Variants in UTS2B observed in about 807,000 individuals in gnomAD.
UTS2B encodes urotensin 2B, also known as urotensin-2B.
Under a neutral mutation model 19.2 loss-of-function variants are expected in UTS2B, and 21 were observed. The observed-to-expected ratio is 1.09, with a 90% confidence interval of 0.78 to 1.58. UTS2B has a LOEUF of 1.58. Among genes scored for constraint, UTS2B ranks in the 40% most tolerant of loss-of-function variants. The pLI is 0.00. For missense variants in UTS2B, 138 were observed against 130.3 expected, an observed-to-expected ratio of 1.06 and a Z score of -0.29; for synonymous variants, 57 against 50.2, an observed-to-expected ratio of 1.14 and a Z score of -0.58.
intron 8 of UTS2B, among the ~76,000 whole-genome samples, chr3:191,271,471 T>G (rs1204606347): frequency 6.6e-6 from 1 of 152,196 alleles, no homozygotes; most frequent in Non-Finnish European, 1.5e-5. Flanking sequence ...CAGCTTTCTG[T>G]GCAGTGAGCT....
At chr3:191,325,499 TGTGA>T in intron 2 of UTS2B, among the ~76,000 whole-genome samples, 1 of 152,150 alleles carries the variant, frequency 6.6e-6, no homozygotes. Flanking sequence ...TGGGGAATTT[TGTGA>T]GTAACTGATA....
At chr3:191,331,195 G>A (rs1225381209), upstream of UTS2B, among the ~76,000 whole-genome samples, 1 of 152,182 alleles carries the variant, frequency 6.6e-6, no homozygotes, top group Non-Finnish European at 1.5e-5. Context: ...GCAGTGTGTA[G>A]TGCATGGTGA....
intron 1 of UTS2B, chr3:191,329,356 T>TGTC (rs1717855574): frequency 6.6e-6 from 2 of 302,854 alleles, no homozygotes; most frequent in East Asian, 1.3e-4. Flanking sequence ...CCCGCCTTTC[T>TGTC]GTCTCCTCTC....
chr3:191,320,301 G>A (rs2108612175), intron 2 of UTS2B, among the ~76,000 whole-genome samples: 1 of 152,282 alleles, frequency 6.6e-6, no homozygotes, highest in African/African-American at 2.4e-5. Flanking sequence ...TCTAGGAAGA[G>A]GGACCAGTTA....
chr3:191,286,102 C>T (rs891590455), intron 4 of UTS2B, among the ~76,000 whole-genome samples: 8 of 151,940 alleles, frequency 5.3e-5, no homozygotes, highest in East Asian at 1.9e-4. Context: ...TATGTCTGTA[C>T]CAAATATTAG....
intron 4 of UTS2B, among the ~76,000 whole-genome samples, chr3:191,296,978 A>C (rs1240385012): frequency 6.6e-6 from 1 of 152,238 alleles, no homozygotes; most frequent in African/African-American, 2.4e-5. Flanking sequence ...CAATGCATTC[A>C]TAGAACAGGC....
chr3:191,281,563 T>C (rs901089346), intron 5 of UTS2B, among the ~76,000 whole-genome samples: 2 of 151,752 alleles, frequency 1.3e-5, no homozygotes, highest in Non-Finnish European at 2.9e-5. Context: ...ATGTAGGTGT[T>C]AGCATTGCCC....
At position 191,275,314 on chromosome 3, in the gene UTS2B, T is replaced by C. The variant is rs1716201254; in HGVS notation, c.272A>G (p.Glu91Gly). The change falls in exon 8 of 9, where the codon GAG (glutamate) becomes GGG (glycine). Residue 91 changes from glutamate to glycine, a missense_variant. Transcript: ENST00000340524. ...LEKLKEQLVE[E>G]KDSETSYAVD... is the part of the protein sequence containing the mutation. ...AGCATAGGACGTCTCAGAATCCTTC[T>C]CCTCCACTAGCTGTTCTTTTAGCTT... 6.2e-7 allele frequency: 1 copy of C among 1,613,774 alleles called. No homozygotes were observed. The highest frequency in any genetic ancestry group is 1.3e-5 in the African/African-American group (1 of 75,044).
intron 8 of UTS2B, among the ~76,000 whole-genome samples, chr3:191,271,879 T>C (rs1325477765): frequency 6.6e-6 from 1 of 152,262 alleles, no homozygotes; most frequent in Non-Finnish European, 1.5e-5. Flanking sequence ...GGAAGATTTA[T>C]TAAATATGGC....
At chr3:191,279,069 T>G (rs1274023391) in intron 5 of UTS2B, among the ~76,000 whole-genome samples, 3 of 152,030 alleles carry the variant, frequency 2.0e-5, no homozygotes, top group African/African-American at 7.2e-5. Context: ...GACTGGACTA[T>G]TTCTTAAAAT....
chr3:191,326,756 T>C (rs1717753690), intron 2 of UTS2B, among the ~76,000 whole-genome samples: 1 of 152,226 alleles, frequency 6.6e-6, no homozygotes, highest in African/African-American at 2.4e-5. Flanking sequence ...AGATACTAGC[T>C]CTTCCCCGTG....
At chr3:191,286,633 A>G (rs969959202) in intron 4 of UTS2B, among the ~76,000 whole-genome samples, 1 of 152,064 alleles carries the variant, frequency 6.6e-6, no homozygotes, top group Non-Finnish European at 1.5e-5. Context: ...AAAAGGGGAA[A>G]GTCTGTACCA....
At chr3:191,307,772 T>C (rs1717180000) in intron 3 of UTS2B, among the ~76,000 whole-genome samples, 2 of 152,172 alleles carry the variant, frequency 1.3e-5, no homozygotes, top group Admixed American at 1.3e-4. Context: ...TCTCTCTTCT[T>C]TGTCAGTCAG....
upstream of UTS2B, among the ~76,000 whole-genome samples, chr3:191,332,810 T>C (rs79001780): frequency 0.013 from 1,929 of 152,344 alleles, 46 homozygotes; most frequent in African/African-American, 0.044. Flanking sequence ...TCCAAGTTCC[T>C]GTATCGGTAA....
the UTS2B span, among the ~76,000 whole-genome samples, chr3:191,336,615 T>G: frequency 6.6e-6 from 1 of 152,302 alleles, no homozygotes; most frequent in Non-Finnish European, 1.5e-5. Flanking sequence ...AAACCTTAGT[T>G]CAATATCAGA....
chr3:191,342,872 A>G, the UTS2B span, among the ~76,000 whole-genome samples: 1 of 152,230 alleles, frequency 6.6e-6, no homozygotes, highest in Non-Finnish European at 1.5e-5. Flanking sequence ...CCTGTTGAGG[A>G]TGCCTTATGA....
At chr3:191,290,708 A>G (rs544537254) in intron 4 of UTS2B, among the ~76,000 whole-genome samples, 29 of 152,370 alleles carry the variant, frequency 1.9e-4, no homozygotes, top group African/African-American at 6.5e-4. Flanking sequence ...TATCAATTAC[A>G]GGATATAAAT....
intron 2 of UTS2B, among the ~76,000 whole-genome samples, chr3:191,321,802 A>T (rs1311765453): frequency 6.6e-6 from 1 of 152,338 alleles, no homozygotes; most frequent in East Asian, 1.9e-4. Context: ...CAAGGTGGGC[A>T]GATCACCTGA....
intron 8 of UTS2B, among the ~76,000 whole-genome samples, chr3:191,273,860 C>T (rs1297667901): frequency 6.6e-6 from 1 of 152,156 alleles, no homozygotes; most frequent in African/African-American, 2.4e-5. Context: ...TGTAATTCTC[C>T]AGCACATTTT....
Sources: allele counts gnomAD v4.1 joint callset (sites outside exome capture counted in the v4.1 genomes callset), GRCh38; gene constraint gnomAD v4.1.1; transcripts MANE v1.5; gene names NCBI Gene and HGNC (gene_info 2026-07-23, HGNC 2026-07-21).